ENOX1: variants seen among roughly 807,000 people sequenced by gnomAD.
ENOX1 encodes the protein candidate growth-related and time keeping constitutive hydroquinone (NADH) oxidase.
In ENOX1, 42 loss-of-function variants were observed where a neutral mutation model predicts 82.5. The ratio of observed to expected loss-of-function variants is 0.51; its 90% CI spans 0.40 to 0.66. ENOX1 has a LOEUF of 0.66. ENOX1 is among the 30% of genes least tolerant of loss of function. The pLI is 0.00. For missense variants in ENOX1, 608 were observed against 811.6 expected, an observed-to-expected ratio of 0.75 and a Z score of 3.05; for synonymous variants, 271 against 282.2, an observed-to-expected ratio of 0.96 and a Z score of 0.40.
At chr13:43,445,269 A>C (rs182770019) in intron 3 of ENOX1, among the ~76,000 whole-genome samples, 2 of 151,044 alleles carry the variant, frequency 1.3e-5, no homozygotes, top group Non-Finnish European at 3.0e-5. Flanking sequence ...GACTACAGGC[A>C]CCCACCACCA....
chr13:43,667,020 A>G (rs1450284057), intron 2 of ENOX1, among the ~76,000 whole-genome samples: 1 of 152,230 alleles, frequency 6.6e-6, no homozygotes, highest in African/African-American at 2.4e-5. Context: ...CTGTTTGGGC[A>G]AATCAAAGTT....
At chr13:43,288,918 A>C (rs184158354) in intron 12 of ENOX1, among the ~76,000 whole-genome samples, 13 of 152,294 alleles carry the variant, frequency 8.5e-5, no homozygotes, top group Admixed American at 8.5e-4. Context: ...ACTTCTATTC[A>C]CCAACAACAT....
At chr13:43,546,932 T>C (rs2078997669) in intron 2 of ENOX1, 1 of 152,224 alleles carries the variant, frequency 6.6e-6, no homozygotes, top group African/African-American at 2.4e-5. Context: ...TGGAAGTGAG[T>C]GCCTTCTGCA....
chr13:43,428,137 A>G (rs545008248), intron 3 of ENOX1, among the ~76,000 whole-genome samples: 1 of 152,320 alleles, frequency 6.6e-6, no homozygotes, highest in Non-Finnish European at 1.5e-5. Flanking sequence ...TTTTAGAAGT[A>G]GGCAAGTGAA....
chr13:43,596,373 C>T (rs1034438446), intron 2 of ENOX1, among the ~76,000 whole-genome samples: 1 of 152,226 alleles, frequency 6.6e-6, no homozygotes, highest in African/African-American at 2.4e-5. Flanking sequence ...AAATAATACT[C>T]ATATGTAGAA....
At chr13:43,671,746 T>G (rs569542426) in intron 1 of ENOX1, among the ~76,000 whole-genome samples, 1 of 152,204 alleles carries the variant, frequency 6.6e-6, no homozygotes, top group East Asian at 1.9e-4. Context: ...ACATGACAAG[T>G]TGAGCTGTGT....
intron 1 of ENOX1, among the ~76,000 whole-genome samples, chr13:43,669,405 CT>C (rs913321645): frequency 6.6e-6 from 1 of 151,936 alleles, no homozygotes; most frequent in Non-Finnish European, 1.5e-5. Context: ...ACTCATTTTC[CT>C]TCTCCCTCAC....
At chr13:43,475,010 GGCA>G (rs1418075541) in intron 3 of ENOX1, among the ~76,000 whole-genome samples, 1 of 151,942 alleles carries the variant, frequency 6.6e-6, no homozygotes, top group Non-Finnish European at 1.5e-5. Context: ...ACAACTTGAA[GGCA>G]GACAGATTGG....
chr13:43,218,822 A>C (rs1304590382), intron 16 of ENOX1, among the ~76,000 whole-genome samples: 1 of 152,170 alleles, frequency 6.6e-6, no homozygotes, highest in Non-Finnish European at 1.5e-5. Flanking sequence ...AGACAAATTC[A>C]AGAGAAAATT....
chr13:43,348,246 C>T (rs547279436), intron 8 of ENOX1, among the ~76,000 whole-genome samples: 6 of 152,348 alleles, frequency 3.9e-5, no homozygotes, highest in South Asian at 4.1e-4. Flanking sequence ...TTCCACAATT[C>T]CCCGCATATC....
intron 2 of ENOX1, among the ~76,000 whole-genome samples, chr13:43,577,259 G>A (rs1328955373): frequency 6.6e-6 from 1 of 152,086 alleles, no homozygotes; most frequent in African/African-American, 2.4e-5. Flanking sequence ...ACTCTCCTGA[G>A]TAGCTGGGAT....
rs151160763 is a variant in ENOX1, at chr13:43,276,594, C to G, written c.1447-7017G>C. The stretch of plus-strand genomic sequence containing the variant: ...CTCTTTAGGAATGTCAGCCTTAGGT[C>G]CCGCTGATGAGGTCTACCTATGCTT... On this transcript the variant is annotated intron_variant, in intron 12 of 16. Transcript: ENST00000690772. Among the ~76,000 whole-genome samples the G allele has an allele frequency of 1.9e-3, 295 of 152,332 alleles. 1 individual carries two copies. The highest frequency in any genetic ancestry group is 6.4e-3 in the African/African-American group (266 of 41,582).
chr13:43,647,645 AC>A (rs1336160460), intron 2 of ENOX1, among the ~76,000 whole-genome samples: 1 of 151,976 alleles, frequency 6.6e-6, no homozygotes, highest in Non-Finnish European at 1.5e-5. Flanking sequence ...CTATCCCTAT[AC>A]CCCCTTTGTG....
At chr13:43,518,655 C>T (rs2077648706) in intron 2 of ENOX1, among the ~76,000 whole-genome samples, 1 of 152,086 alleles carries the variant, frequency 6.6e-6, no homozygotes, top group Non-Finnish European at 1.5e-5. Flanking sequence ...ATCCACAAAT[C>T]TTAAACTCCA....
intron 1 of ENOX1, among the ~76,000 whole-genome samples, chr13:43,707,474 GC>G (rs2087372960): frequency 6.6e-6 from 1 of 152,086 alleles, no homozygotes; most frequent in African/African-American, 2.4e-5. Flanking sequence ...AGTGGCTCAC[GC>G]CTGTAATCCC....
chr13:43,250,958 G>A (rs1418705567), intron 14 of ENOX1, among the ~76,000 whole-genome samples: 1 of 152,200 alleles, frequency 6.6e-6, no homozygotes, highest in Non-Finnish European at 1.5e-5. Flanking sequence ...TCCACAGACT[G>A]GTAACACTGG....
chr13:43,262,060 C>T (rs1021272974), intron 14 of ENOX1, among the ~76,000 whole-genome samples: 1 of 151,758 alleles, frequency 6.6e-6, no homozygotes, highest in African/African-American at 2.4e-5. Flanking sequence ...AATGAAAAAT[C>T]AAAAAGGTAC....
intron 3 of ENOX1, among the ~76,000 whole-genome samples, chr13:43,443,234 C>A (rs1285873054): frequency 6.6e-6 from 1 of 152,144 alleles, no homozygotes; most frequent in Admixed American, 6.5e-5. Context: ...ACCAAAAATT[C>A]TGTTCAATTC....
At chr13:43,401,061 T>C (rs1924631) in intron 5 of ENOX1, among the ~76,000 whole-genome samples, 34,185 of 150,824 alleles carry the variant, frequency 0.23, 4,898 homozygotes, top group East Asian at 0.52. Context: ...TAGCAGAGGA[T>C]TCAATGATGC....
Sources: allele counts gnomAD v4.1 joint callset (sites outside exome capture counted in the v4.1 genomes callset), GRCh38; gene constraint gnomAD v4.1.1; transcripts MANE v1.5; gene names NCBI Gene and HGNC (gene_info 2026-07-23, HGNC 2026-07-21).